SLC39A14: variants seen among roughly 807,000 people sequenced by gnomAD.
The protein encoded by SLC39A14 is solute carrier family 39 member 14.
Under a neutral mutation model 45.5 loss-of-function variants are expected in SLC39A14, and 19 were observed. That is an observed-to-expected ratio of 0.42 (90% confidence interval 0.29 to 0.61). The LOEUF is 0.61. Ranked by LOEUF, SLC39A14 falls within the 20% of genes least tolerant of loss-of-function variation. The pLI, the probability that SLC39A14 is intolerant of heterozygous loss-of-function variation, is 0.22. For synonymous variants in SLC39A14, 264 were observed against 251.3 expected, an observed-to-expected ratio of 1.05 and a Z score of -0.48; for missense variants, 447 against 616.5, an observed-to-expected ratio of 0.73 and a Z score of 2.91.
At chr8:22,411,169 T>C (rs1835544324) in intron 3 of SLC39A14, among the ~76,000 whole-genome samples, 1 of 152,222 alleles carries the variant, frequency 6.6e-6, no homozygotes, top group Admixed American at 6.5e-5. Context: ...ATGAAAGGCC[T>C]TGTGACCTCC....
Position 22,409,896 on chromosome 8 carries a change from G to A in SLC39A14, c.457+1400G>A, listed in dbSNP as rs750069881. 4.4e-6 allele frequency: 7 copies of A among 1,605,114 alleles called. No homozygotes were observed. The East Asian group carries it at 6.7e-5, about 15-fold the overall frequency. On this transcript the variant is annotated intron_variant, in intron 3 of 8. Coordinates refer to ENST00000381237, the MANE Select transcript of SLC39A14 (RefSeq NM_001128431.4). ...CAGGGCCGCCCCAGGCAGCAGGAGT[G>A]TCCCCACCCTCAGTAATAGAGGCCC...
Position 22,414,099 on chromosome 8 carries a change from T to C in SLC39A14, c.628-681T>C, listed in dbSNP as rs113592695. Among the ~76,000 whole-genome samples, 101 of 152,250 alleles carry C rather than the reference T, an allele frequency of 6.6e-4. 3 individuals are homozygous for C. The highest frequency in any genetic ancestry group is 2.4e-3 in the African/African-American group (99 of 41,562). ...TAGACACATTCACAAGAACCCACCA[T>C]AAATCAGGAGCTTACCCTAGGACAG... On this transcript the variant is annotated intron_variant, in intron 4 of 8. Coordinates refer to ENST00000381237, the MANE Select transcript of SLC39A14 (RefSeq NM_001128431.4).
rs1489068323 is a variant in SLC39A14, at chr8:22,367,669, G to C, written c.-16+261G>C. 6.6e-6 allele frequency: 1 copy of C among 152,302 alleles called. No homozygotes were observed. Among genetic ancestry groups the C allele is most frequent in the Non-Finnish European group, 1.5e-5 (1 of 68,100 alleles). 9.4% of individuals were successfully genotyped at this position (152,302 alleles called of 1,614,324 possible). ...GCCGCAGAAGGGTGCCCAGAGCGTG[G>C]GTCGCCGCGCCGAAGGCTGAGCCAG... On this transcript the variant is annotated intron_variant, in intron 1 of 8. Transcript: ENST00000381237. The surrounding 1 kb of genome is among the most constrained non-coding windows in gnomAD (Gnocchi z 4.2).
chr8:22,381,521 C>T (rs1389948161), intron 1 of SLC39A14, among the ~76,000 whole-genome samples: 1 of 152,134 alleles, frequency 6.6e-6, no homozygotes, highest in Non-Finnish European at 1.5e-5. Flanking sequence ...CCGCCCGCCT[C>T]GGCCTCCCAA....
At chr8:22,433,780 T>G (rs1447417040) in intron 8 of SLC39A14, 1 of 188,062 alleles carries the variant, frequency 5.3e-6, no homozygotes, top group African/African-American at 2.4e-5. Context: ...CAAGCTGGTC[T>G]CAACCTCCTG....
intron 2 of SLC39A14, among the ~76,000 whole-genome samples, chr8:22,406,812 G>C (rs1835245925): frequency 6.6e-6 from 1 of 152,214 alleles, no homozygotes; most frequent in South Asian, 2.1e-4. Context: ...TAATGCAGCT[G>C]CGTGAGCCTC....
chr8:22,368,062 C>T (rs1402228217), intron 1 of SLC39A14, among the ~76,000 whole-genome samples: 1 of 152,108 alleles, frequency 6.6e-6, no homozygotes, highest in Non-Finnish European at 1.5e-5. Flanking sequence ...GGGAAAATTT[C>T]GTCAGCTCTG....
chr8:22,398,262 G>A (rs1834626597), intron 1 of SLC39A14: 1 of 152,256 alleles, frequency 6.6e-6, no homozygotes, highest in Non-Finnish European at 1.5e-5. Flanking sequence ...GGTTTAGACT[G>A]TCTTCAAACC....
chr8:22,385,433 A>G (rs975716715), intron 1 of SLC39A14, among the ~76,000 whole-genome samples: 8 of 152,296 alleles, frequency 5.3e-5, no homozygotes, highest in South Asian at 2.1e-4. Flanking sequence ...AGGGTTCTCA[A>G]TGCCTGGGAG....
At chr8:22,403,700 C>G (rs184525146) in intron 1 of SLC39A14, among the ~76,000 whole-genome samples, 1 of 151,760 alleles carries the variant, frequency 6.6e-6, no homozygotes, top group East Asian at 2.0e-4. Flanking sequence ...GGGTGGATCA[C>G]TTGAGCCCAG....
At chr8:22,403,197 C>G (rs766747612) in intron 1 of SLC39A14, among the ~76,000 whole-genome samples, 1 of 152,132 alleles carries the variant, frequency 6.6e-6, no homozygotes, top group Admixed American at 6.5e-5. Context: ...AGGATGGTCT[C>G]GATCTCCTGA....
At chr8:22,402,363 C>T (rs576106764) in intron 1 of SLC39A14, among the ~76,000 whole-genome samples, 16 of 151,580 alleles carry the variant, frequency 1.1e-4, no homozygotes, top group South Asian at 2.1e-4. Context: ...CCAGCCTGGG[C>T]GACAGAGCAA....
At chr8:22,429,766 A>C (rs1836440040) in intron 8 of SLC39A14, among the ~76,000 whole-genome samples, 1 of 152,252 alleles carries the variant, frequency 6.6e-6, no homozygotes, top group African/African-American at 2.4e-5. Context: ...CAAGCTTGGC[A>C]TGACATAGCA....
At chr8:22,413,304 G>A (rs1267136767) in intron 4 of SLC39A14, among the ~76,000 whole-genome samples, 4 of 152,130 alleles carry the variant, frequency 2.6e-5, no homozygotes, top group Non-Finnish European at 5.9e-5. Context: ...GGATCCTTAG[G>A]TTAACTCCAT....
intron 1 of SLC39A14, among the ~76,000 whole-genome samples, chr8:22,386,451 G>C (rs1036577115): frequency 1.3e-5 from 2 of 151,868 alleles, no homozygotes; most frequent in Non-Finnish European, 2.9e-5. Context: ...ATTTTTAGTA[G>C]AGATGGGGTT....
chr8:22,393,978 A>G (rs185064066), intron 1 of SLC39A14, among the ~76,000 whole-genome samples: 1 of 150,858 alleles, frequency 6.6e-6, no homozygotes, highest in Admixed American at 6.6e-5. Flanking sequence ...CAGCCCTGTA[A>G]TGATTTTTTA....
chr8:22,399,146 G>T (rs1834695012), intron 1 of SLC39A14, among the ~76,000 whole-genome samples: 1 of 152,258 alleles, frequency 6.6e-6, no homozygotes, highest in South Asian at 2.1e-4. Context: ...GACACCCTGG[G>T]GGGACTGGAG....
chr8:22,376,100 T>G (rs1037231140), intron 1 of SLC39A14, among the ~76,000 whole-genome samples: 8 of 152,204 alleles, frequency 5.3e-5, no homozygotes, highest in African/African-American at 1.9e-4. Flanking sequence ...TCTCTCCCTC[T>G]TTTCTTGCTA....
chr8:22,375,639 A>G (rs879417403), intron 1 of SLC39A14, among the ~76,000 whole-genome samples: 1 of 151,822 alleles, frequency 6.6e-6, no homozygotes, highest in Non-Finnish European at 1.5e-5. Flanking sequence ...ACAGGCATGC[A>G]CCACCATGCC....
Sources: allele counts gnomAD v4.1 joint callset (sites outside exome capture counted in the v4.1 genomes callset), GRCh38; gene constraint gnomAD v4.1.1; non-coding constraint Gnocchi (gnomAD v3.1); transcripts MANE v1.5; gene names NCBI Gene and HGNC (gene_info 2026-07-23, HGNC 2026-07-21).